Variants in ITGB3BP observed in about 807,000 individuals in gnomAD.
ITGB3BP encodes the protein integrin subunit beta 3 binding protein, also known as centromere protein R.
In ITGB3BP, 27 loss-of-function variants were observed where a neutral mutation model predicts 29.1. That is an observed-to-expected ratio of 0.93 (90% CI 0.68 to 1.28). ITGB3BP has a LOEUF of 1.28. ITGB3BP is among the 50% of genes most tolerant of loss of function. ITGB3BP has a pLI of 0.00. For missense variants in ITGB3BP, 192 were observed against 200.2 expected (o/e 0.96, Z 0.25); for synonymous variants, 61 against 61.4 (o/e 0.99, Z 0.03).
chr1:63,456,085 C>T (rs1168041640), intron 4 of ITGB3BP, among the ~76,000 whole-genome samples: 1 of 152,050 alleles, frequency 6.6e-6, no homozygotes, highest in East Asian at 1.9e-4. Flanking sequence ...CAGCATAAAT[C>T]CATATAGATT....
chr1:63,486,720 C>T (rs1645538017), intron 3 of ITGB3BP, among the ~76,000 whole-genome samples: 1 of 152,008 alleles, frequency 6.6e-6, no homozygotes, highest in Non-Finnish European at 1.5e-5. Flanking sequence ...TCCAGCATCA[C>T]TAGTGGCACT....
chr1:63,525,862 C>G, upstream of ITGB3BP: 1 of 767,442 alleles, frequency 1.3e-6, no homozygotes, highest in Non-Finnish European at 2.0e-6. Context: ...ATCCCAGTTT[C>G]TTAGTGAAGC....
intron 1 of ITGB3BP, among the ~76,000 whole-genome samples, chr1:63,518,700 T>C (rs998259480): frequency 7.2e-5 from 11 of 152,130 alleles, no homozygotes; most frequent in African/African-American, 2.7e-4. Flanking sequence ...ACTGATGTCT[T>C]TACTGCACTT....
intron 2 of ITGB3BP, among the ~76,000 whole-genome samples, chr1:63,502,665 T>TC (rs1645965023): frequency 9.8e-6 from 1 of 101,608 alleles, no homozygotes; most frequent in South Asian, 4.3e-4. Flanking sequence ...CCCTCTCCCC[T>TC]CCCCCCACCC....
Position 63,497,222 on chromosome 1 carries a change from T to C in ITGB3BP, c.49-7004A>G, listed in dbSNP as rs141974638. Among the ~76,000 whole-genome samples the C allele has an allele frequency of 2.0e-5, 3 of 152,288 alleles. No individual in the cohort carries two copies. In the East Asian group the frequency reaches 5.8e-4, roughly 29 times the overall value. On this transcript the variant is annotated intron_variant, in intron 2 of 8. Coordinates refer to ENST00000271002, the MANE Select transcript of ITGB3BP (RefSeq NM_014288.5). Reference sequence around the variant, plus strand: ...CGGGAGGTTGAGTTGGGAGGATCACTTGAGTCGAGGAGTTCGAGGCTGCAG... The same window carrying C: ...CGGGAGGTTGAGTTGGGAGGATCACCTGAGTCGAGGAGTTCGAGGCTGCAG...
intron 2 of ITGB3BP, among the ~76,000 whole-genome samples, chr1:63,502,671 C>G (rs1421131556): frequency 8.0e-6 from 1 of 124,798 alleles, no homozygotes. Flanking sequence ...CCCCTCCCCC[C>G]ACCCCACAAC....
At chr1:63,463,398 A>G (rs1405097789) in intron 4 of ITGB3BP, among the ~76,000 whole-genome samples, 1 of 152,194 alleles carries the variant, frequency 6.6e-6, no homozygotes, top group Admixed American at 6.5e-5. Flanking sequence ...AAATGAGTTC[A>G]TTGCAAAACA....
intron 2 of ITGB3BP, among the ~76,000 whole-genome samples, chr1:63,492,189 CTG>C (rs10610086): frequency 0.37 from 54,371 of 148,848 alleles, 11,077 homozygotes; most frequent in Non-Finnish European, 0.47. Context: ...TGCATGTGCT[CTG>C]TGTGTGTGTG....
intron 2 of ITGB3BP, among the ~76,000 whole-genome samples, chr1:63,493,075 C>CAT (rs1645691930): frequency 7.0e-6 from 1 of 143,690 alleles, no homozygotes. Context: ...TCACACCACA[C>CAT]ACACACACAC....
chr1:63,480,166 T>C (rs1316851335), intron 3 of ITGB3BP, among the ~76,000 whole-genome samples: 1 of 152,132 alleles, frequency 6.6e-6, no homozygotes, highest in Non-Finnish European at 1.5e-5. Context: ...ATCTAAACTT[T>C]TACAAGTTTC....
At chr1:63,445,678 T>C (rs972553598) in intron 8 of ITGB3BP, among the ~76,000 whole-genome samples, 19 of 150,634 alleles carry the variant, frequency 1.3e-4, no homozygotes, top group Admixed American at 1.0e-3. Context: ...GACTACAGCC[T>C]CTACCACGTG....
intron 1 of ITGB3BP, among the ~76,000 whole-genome samples, chr1:63,514,651 A>G (rs1010923838): frequency 6.6e-6 from 1 of 152,142 alleles, no homozygotes; most frequent in Admixed American, 6.6e-5. Flanking sequence ...AGTTGTTTGA[A>G]AATTTACTTT....
intron 1 of ITGB3BP, among the ~76,000 whole-genome samples, chr1:63,517,403 A>C (rs1430573064): frequency 6.6e-6 from 1 of 151,392 alleles, no homozygotes; most frequent in African/African-American, 2.4e-5. Context: ...AATAAATAAA[A>C]ATAAATAAAA....
At chr1:63,525,787 C>A, upstream of ITGB3BP, 3 of 1,455,236 alleles carry the variant, frequency 2.1e-6, no homozygotes, top group Non-Finnish European at 1.8e-6. Context: ...TTAAATCTTT[C>A]ACCTTTTTGT....
At chr1:63,488,158 A>C (rs745900249) in intron 3 of ITGB3BP, among the ~76,000 whole-genome samples, 1 of 152,114 alleles carries the variant, frequency 6.6e-6, no homozygotes, top group Non-Finnish European at 1.5e-5. Context: ...CACATAGTAC[A>C]TGGTTCAAAT....
chr1:63,490,979 T>C (rs749679742), intron 2 of ITGB3BP, among the ~76,000 whole-genome samples: 33 of 142,392 alleles, frequency 2.3e-4, no homozygotes, highest in Non-Finnish European at 3.8e-4. Flanking sequence ...ACTCAGAATA[T>C]ACTAATTTGT....
intron 4 of ITGB3BP, among the ~76,000 whole-genome samples, chr1:63,465,355 T>C: frequency 6.6e-6 from 1 of 152,252 alleles, no homozygotes; most frequent in Admixed American, 6.5e-5. Context: ...GAATCTAAAG[T>C]TTAAAAAATG....
chr1:63,515,954 T>A (rs1360480190), intron 1 of ITGB3BP, among the ~76,000 whole-genome samples: 1 of 151,568 alleles, frequency 6.6e-6, no homozygotes, highest in Non-Finnish European at 1.5e-5. Context: ...GTAGCACTAT[T>A]CACAACAGCA....
intron 7 of ITGB3BP, chr1:63,449,790 C>T (rs1570119799): frequency 6.5e-6 from 1 of 154,492 alleles, no homozygotes; most frequent in South Asian, 2.0e-4. Flanking sequence ...AAACTTCAAA[C>T]CTCAGTGCTT....
Sources: gnomAD v4.1 joint callset for allele counts (sites outside exome capture counted in the v4.1 genomes callset) on GRCh38, gnomAD v4.1.1 for gene constraint, MANE v1.5 for transcripts, NCBI Gene and HGNC (gene_info 2026-07-23, HGNC 2026-07-21) for gene names.